BRAF: variants seen among roughly 807,000 people sequenced by gnomAD.
BRAF encodes the protein serine/threonine-protein kinase B-raf.
Under a neutral mutation model 104.6 loss-of-function variants are expected in BRAF, and 16 were observed. That is an observed-to-expected ratio of 0.15 (90% CI 0.10 to 0.23). The LOEUF (loss-of-function observed/expected upper bound fraction) is 0.23, where lower values mean the gene tolerates loss of function less well. BRAF is among the 10% of genes least tolerant of loss of function. The pLI, the probability that BRAF is intolerant of heterozygous loss-of-function variation, is 1.00. For synonymous variants in BRAF, 310 were observed against 341.6 expected (o/e 0.91, Z 1.02); for missense variants, 541 against 937.3 (o/e 0.58, Z 5.52).
chr7:140,907,228 T>C (rs773763422), intron 1 of BRAF, among the ~76,000 whole-genome samples: 5 of 152,310 alleles, frequency 3.3e-5, no homozygotes, highest in Middle Eastern at 3.4e-3. Context: ...GAATTTCTAT[T>C]TGGTTTTTTG....
chr7:140,890,604 C>T (rs1263435564), intron 1 of BRAF, among the ~76,000 whole-genome samples: 2 of 152,282 alleles, frequency 1.3e-5, no homozygotes, highest in East Asian at 1.9e-4. Flanking sequence ...CAGTGTCTCA[C>T]TAAATGACTT....
intron 1 of BRAF, among the ~76,000 whole-genome samples, chr7:140,892,468 T>TC (rs1250375504): frequency 1.3e-5 from 2 of 152,044 alleles, no homozygotes; most frequent in Non-Finnish European, 2.9e-5. Context: ...TAACACAGTA[T>TC]CCCCCCTCAT....
chr7:140,875,965 G>A (rs1316717379), intron 1 of BRAF, among the ~76,000 whole-genome samples: 1 of 152,222 alleles, frequency 6.6e-6, no homozygotes, highest in Non-Finnish European at 1.5e-5. Flanking sequence ...TCACACAGAA[G>A]GGAAATAATA....
chr7:140,915,432 CT>C (rs1014572413), intron 1 of BRAF, among the ~76,000 whole-genome samples: 486 of 141,526 alleles, frequency 3.4e-3, no homozygotes, highest in South Asian at 9.0e-3. Context: ...ATTAAAGTAT[CT>C]TTTTTTTTTT....
At chr7:140,778,406 T>A (rs1419144556) in intron 12 of BRAF, among the ~76,000 whole-genome samples, 1 of 152,216 alleles carries the variant, frequency 6.6e-6, no homozygotes, top group Non-Finnish European at 1.5e-5. Context: ...AGGCTTAATA[T>A]TTATTTACTA....
chr7:140,824,225 A>G (rs1805768379), intron 3 of BRAF: 1 of 152,190 alleles, frequency 6.6e-6, no homozygotes, highest in African/African-American at 2.4e-5. Context: ...TGACAAATCC[A>G]AAGTTATGAT....
chr7:140,734,386 T>A, intron 19 of BRAF: 1 of 1,416,220 alleles, frequency 7.1e-7, no homozygotes, highest in South Asian at 1.5e-5. Context: ...TAGCAATGTC[T>A]ATGTATTTTA....
intron 10 of BRAF, among the ~76,000 whole-genome samples, chr7:140,783,986 T>C (rs923102371): frequency 4.6e-5 from 7 of 152,214 alleles, no homozygotes; most frequent in Non-Finnish European, 1.0e-4. Context: ...ACCTTTCTCA[T>C]GGCAAACATC....
intron 1 of BRAF, among the ~76,000 whole-genome samples, chr7:140,922,061 A>AT (rs1050320383): frequency 2.6e-4 from 39 of 152,158 alleles, no homozygotes; most frequent in Non-Finnish European, 4.7e-4. Context: ...CAAGAGATAC[A>AT]TTTTTTAATC....
intron 9 of BRAF, among the ~76,000 whole-genome samples, chr7:140,787,164 G>C (rs1188421299): frequency 1.3e-5 from 2 of 151,782 alleles, no homozygotes; most frequent in Non-Finnish European, 2.9e-5. Flanking sequence ...AGCCGGGCGT[G>C]GTAGCAGGCG....
At chr7:140,914,595 T>C (rs930528095) in intron 1 of BRAF, among the ~76,000 whole-genome samples, 2 of 152,002 alleles carry the variant, frequency 1.3e-5, no homozygotes, top group African/African-American at 4.8e-5. Context: ...TAATTAGGAG[T>C]AATTATCAAT....
At chr7:140,811,503 A>G (rs1804258679) in intron 3 of BRAF, among the ~76,000 whole-genome samples, 1 of 152,136 alleles carries the variant, frequency 6.6e-6, no homozygotes, top group Non-Finnish European at 1.5e-5. Context: ...CCCAGCAGGG[A>G]GTCTATGTAT....
intron 17 of BRAF, chr7:140,740,163 G>C (rs1192263123): frequency 1.9e-6 from 1 of 535,930 alleles, no homozygotes. Flanking sequence ...TTGGACTGTG[G>C]CAAAGGTTCT....
chr7:140,851,702 G>T (rs1240735866), intron 1 of BRAF, among the ~76,000 whole-genome samples: 1 of 152,144 alleles, frequency 6.6e-6, no homozygotes, highest in Non-Finnish European at 1.5e-5. Flanking sequence ...TATCTGCAGG[G>T]TATAAGTCCA....
chr7:140,801,675 A>T, intron 5 of BRAF, 115 bp from the exon 6 acceptor site: 1 of 1,139,516 alleles, frequency 8.8e-7, no homozygotes, highest in Non-Finnish European at 1.3e-6. Flanking sequence ...ATATCATGAA[A>T]CTCACATACT....
At chr7:140,800,562 A>G (rs997749786) in intron 6 of BRAF, 81 bp from the exon 7 acceptor site, 25 of 1,600,264 alleles carry the variant, frequency 1.6e-5, no homozygotes, top group Middle Eastern at 1.7e-4. Flanking sequence ...AACCAAAAAA[A>G]CTGAGATCAA....
rs1800486241 is a variant in BRAF, at chr7:140,777,895, A to G, written c.1637+96T>C. The G allele has an allele frequency of 6.7e-6, 8 of 1,188,336 alleles. No individual in the cohort carries two copies. The South Asian group carries it at 1.0e-4, about 15-fold the overall frequency. 73.6% of individuals were successfully genotyped at this position (1,188,336 alleles called of 1,614,324 possible). A position where few individuals can be genotyped will look rare whatever the true frequency, so the allele number is the denominator to read the frequency against. The stretch of plus-strand genomic sequence containing the variant: ...TGTTTCTACAAATTTATTCATTTTG[A>G]GTAAATCTGTAAAGCTAATAGTTGC... On this transcript the variant is annotated intron_variant, in intron 13 of 19. Transcript: ENST00000644969.
At chr7:140,859,685 AT>A (rs60932962) in intron 1 of BRAF, among the ~76,000 whole-genome samples, 18,695 of 131,598 alleles carry the variant, frequency 0.14, 1,403 homozygotes, top group African/African-American at 0.32. Flanking sequence ...CTGATTGTAA[AT>A]TTTTTTTTTT....
At chr7:140,713,462 C>G in the BRAF span, among the ~76,000 whole-genome samples, 3 of 152,196 alleles carry the variant, frequency 2.0e-5, no homozygotes, top group Non-Finnish European at 2.9e-5. Flanking sequence ...TCAGCTCCAT[C>G]AGGTCCTTTA....
Sources: gnomAD v4.1 joint callset for allele counts (sites outside exome capture counted in the v4.1 genomes callset) on GRCh38, gnomAD v4.1.1 for gene constraint, MANE v1.5 for transcripts, NCBI Gene and HGNC (gene_info 2026-07-23, HGNC 2026-07-21) for gene names.